The following CREB5 variants were observed in gnomAD, a reference collection of about 807,000 sequenced individuals.
The protein encoded by CREB5 is cAMP responsive element binding protein 5.
Under a neutral mutation model 57.1 loss-of-function variants are expected in CREB5, and 19 were observed. The ratio of observed to expected loss-of-function variants is 0.33; its 90% CI spans 0.23 to 0.49. The LOEUF is 0.49. CREB5 is among the 20% of genes least tolerant of loss of function. The pLI is 0.99. For synonymous variants in CREB5, 238 were observed against 238.3 expected, an observed-to-expected ratio of 1.00 and a Z score of 0.01; for missense variants, 579 against 671.6, an observed-to-expected ratio of 0.86 and a Z score of 1.52.
At chr7:28,760,836 G>T (rs1259744272) in intron 7 of CREB5, among the ~76,000 whole-genome samples, 1 of 152,176 alleles carries the variant, frequency 6.6e-6, no homozygotes, top group African/African-American at 2.4e-5. Flanking sequence ...AAATACAAAT[G>T]AAATTGTTGC....
intron 1 of CREB5, among the ~76,000 whole-genome samples, chr7:28,376,900 T>C (rs568909240): frequency 6.6e-6 from 1 of 152,356 alleles, no homozygotes; most frequent in Admixed American, 6.5e-5. Context: ...AAAGGTTGGC[T>C]GGCCACTTGT....
chr7:28,644,865 T>C (rs1390000777), intron 5 of CREB5, among the ~76,000 whole-genome samples: 1 of 152,190 alleles, frequency 6.6e-6, no homozygotes, highest in Non-Finnish European at 1.5e-5. Context: ...CTTTCTAGAT[T>C]GCTCTTCCTT....
At chr7:28,787,764 G>A (rs750158572) in intron 7 of CREB5, among the ~76,000 whole-genome samples, 7 of 152,168 alleles carry the variant, frequency 4.6e-5, no homozygotes, top group Non-Finnish European at 8.8e-5. Context: ...TTGTTGCCTC[G>A]GCTGGTCTCA....
chr7:28,819,375 C>T lies in CREB5; in HGVS notation c.*96C>T, dbSNP rs936577911. On this transcript the variant is annotated 3_prime_UTR_variant, in exon 11 of 11. Coordinates refer to ENST00000357727, the MANE Select transcript of CREB5 (RefSeq NM_182898.4). ...TTAGAATTAACTCAGACCTGGAAGA[C>T]TCCTCAGTTCTTCAAAGACTGGCTT... The T allele has an allele frequency of 1.1e-4, 131 of 1,208,218 alleles. No individual in the cohort carries two copies. Among genetic ancestry groups the T allele is most frequent in the South Asian group, 7.1e-4 (42 of 59,504 alleles). The allele number at this position is 1,208,218 out of a possible 1,614,324, so 74.8% of individuals were successfully genotyped here. A position where few individuals can be genotyped will look rare whatever the true frequency, so the allele number is the denominator to read the frequency against.
rs1583822136 is a variant in CREB5 at position 28,820,688 on chromosome 7, G to T, written c.*1409G>T. 1 of 58,582 alleles carries T rather than the reference G, an allele frequency of 1.7e-5. No individual in the cohort carries two copies. The highest frequency in any genetic ancestry group is 8.7e-5 in the African/African-American group (1 of 11,492). The allele number at this position is 58,582 out of a possible 1,614,324, so 3.6% of individuals were successfully genotyped here. The stretch of plus-strand genomic sequence containing the variant: ...GGTGCGATCATGGATCACTGCAGCA[G>T]CATCCTCCGAGTTCAAGCTATCCTT... On this transcript the variant is annotated 3_prime_UTR_variant, in exon 11 of 11. Coordinates refer to ENST00000357727, the MANE Select transcript of CREB5 (RefSeq NM_182898.4).
chr7:28,503,907 A>G (rs1792373686), intron 3 of CREB5, among the ~76,000 whole-genome samples: 1 of 150,950 alleles, frequency 6.6e-6, no homozygotes, highest in Admixed American at 6.6e-5. Flanking sequence ...CAGAAGGACC[A>G]GAAAAAGGTC....
intron 5 of CREB5, among the ~76,000 whole-genome samples, chr7:28,711,002 G>A (rs745461684): frequency 3.9e-5 from 6 of 152,164 alleles, no homozygotes; most frequent in East Asian, 1.9e-4. Flanking sequence ...GACAGATGGC[G>A]CTTCCATGAA....
rs763010118 is a variant in CREB5 at position 28,820,767 on chromosome 7, C to CTAAT, written c.*1490_*1493dup. ...CACAGGTTCACATAACCATGCCTGG[C>CTAAT]TAATTTATTTTTACTTTTATTTTAA... is the stretch of plus-strand genomic sequence containing the variant. On this transcript the variant is annotated 3_prime_UTR_variant, in exon 11 of 11. Transcript: ENST00000357727. The CTAAT allele has an allele frequency of 2.6e-5, 4 of 152,104 alleles. No individual in the cohort carries two copies. Among genetic ancestry groups the CTAAT allele is most frequent in the Admixed American group, 6.6e-5 (1 of 15,250 alleles). 9.4% of individuals were successfully genotyped at this position (152,104 alleles called of 1,614,324 possible).
At chr7:28,817,950 A>G (rs1809534615) in intron 9 of CREB5, 121 bp from the exon 10 acceptor site, 2 of 641,010 alleles carry the variant, frequency 3.1e-6, no homozygotes, top group South Asian at 2.3e-5. Flanking sequence ...ATTAAATAAT[A>G]TTCTTAATGT....
chr7:28,629,093 G>A (rs1291419742), intron 5 of CREB5, among the ~76,000 whole-genome samples: 1 of 152,064 alleles, frequency 6.6e-6, no homozygotes, highest in Non-Finnish European at 1.5e-5. Flanking sequence ...ATGGTGCCTC[G>A]GTTTACTTGC....
chr7:28,314,886 G>A (rs12673282), intron 1 of CREB5, among the ~76,000 whole-genome samples: 114,447 of 152,092 alleles, frequency 0.75, 44,263 homozygotes, highest in East Asian at 0.95. Context: ...TCAGCGTGTT[G>A]AAGGCTGTAG....
At chr7:28,423,081 C>G (rs1336048862) in intron 1 of CREB5, among the ~76,000 whole-genome samples, 1 of 152,162 alleles carries the variant, frequency 6.6e-6, no homozygotes, top group African/African-American at 2.4e-5. Context: ...ATCCTTCCCT[C>G]CCTTCTTCCT....
In CREB5 at chr7:28,570,377, C is replaced by CAT. The variant is rs1400222194; in HGVS notation, c.306_307dup (p.Asn103IlefsTer8). 1 of 1,613,446 alleles carries CAT rather than the reference C, an allele frequency of 6.2e-7. No homozygotes were observed. The highest frequency in any genetic ancestry group is 8.5e-7 in the Non-Finnish European group (1 of 1,179,656). ...CTTCTCTGGGCAGAATATCTCGATG[C>CAT]ATAATGCAGTTGGTGGGGCCATGAC... On this transcript the variant is annotated frameshift_variant, in exon 5 of 11. Coordinates refer to ENST00000357727, the MANE Select transcript of CREB5 (RefSeq NM_182898.4). LOFTEE classifies it high-confidence loss of function.
At position 28,560,960 on chromosome 7, in the gene CREB5, G is replaced by A. The variant is rs1376752196; in HGVS notation, c.292-9405G>A. 4.9e-4 allele frequency among the ~76,000 whole-genome samples: 22 copies of A among 44,492 alleles called. 2 individuals are homozygous for A. The highest frequency in any genetic ancestry group is 8.0e-4 in the Non-Finnish European group (18 of 22,506). 29.2% of individuals were successfully genotyped at this position (44,492 alleles called of 152,430 possible). A position where few individuals can be genotyped will look rare whatever the true frequency, so the allele number is the denominator to read the frequency against. Reference sequence around the variant, plus strand: ...TGCGTGCGTGTGTGTGCGTGTGTGTGCGTGTGTGTGTGCGTGTGTGCGTGC... The same window carrying A: ...TGCGTGCGTGTGTGTGCGTGTGTGTACGTGTGTGTGTGCGTGTGTGCGTGC... On this transcript the variant is annotated intron_variant, in intron 4 of 10. Coordinates refer to ENST00000357727, the MANE Select transcript of CREB5 (RefSeq NM_182898.4).
intron 1 of CREB5, among the ~76,000 whole-genome samples, chr7:28,344,975 T>C (rs557387272): frequency 1.3e-5 from 2 of 152,294 alleles, no homozygotes; most frequent in East Asian, 1.9e-4. Context: ...TTGTAAATAA[T>C]TTATGCACCC....
chr7:28,580,966 G>A (rs1796102060), intron 5 of CREB5, among the ~76,000 whole-genome samples: 1 of 152,096 alleles, frequency 6.6e-6, no homozygotes, highest in Non-Finnish European at 1.5e-5. Context: ...TTTGATTGGA[G>A]GTCTGAATTC....
At chr7:28,719,873 A>G (rs967187421) in intron 6 of CREB5, among the ~76,000 whole-genome samples, 9 of 152,158 alleles carry the variant, frequency 5.9e-5, no homozygotes, top group Admixed American at 1.3e-4. Context: ...CAGCCTGGCC[A>G]ACATGGTGAA....
intron 5 of CREB5, among the ~76,000 whole-genome samples, chr7:28,693,580 C>T (rs1201540648): frequency 2.6e-5 from 4 of 152,014 alleles, no homozygotes; most frequent in African/African-American, 9.7e-5. Context: ...AGAGGGGAAG[C>T]CTAATTACTC....
intron 7 of CREB5, chr7:28,749,486 TAAAAG>T (rs1388332013): frequency 2.6e-5 from 4 of 152,204 alleles, no homozygotes; most frequent in Admixed American, 6.5e-5. Flanking sequence ...AAGTGACAGT[TAAAAG>T]AAGAGAGTGG....
Sources: allele counts gnomAD v4.1 joint callset (sites outside exome capture counted in the v4.1 genomes callset), GRCh38; gene constraint gnomAD v4.1.1; transcripts MANE v1.5; gene names NCBI Gene and HGNC (gene_info 2026-07-23, HGNC 2026-07-21).